The following CHMP3 variants were observed in gnomAD, a reference collection of about 807,000 sequenced individuals.
CHMP3 encodes charged multivesicular body protein 3.
In CHMP3, 8 loss-of-function variants were observed where a neutral mutation model predicts 27.4. The observed-to-expected ratio is 0.29, with a 90% CI of 0.17 to 0.53. The LOEUF is 0.53. Ranked by LOEUF, CHMP3 falls within the 20% of genes least tolerant of loss-of-function variation. The pLI is 0.96. For synonymous variants in CHMP3, 86 were observed against 85.5 expected, an observed-to-expected ratio of 1.01 and a Z score of -0.03; for missense variants, 208 against 271.5, an observed-to-expected ratio of 0.77 and a Z score of 1.64.
chr2:86,507,438 C>A (rs1437659946), intron 5 of CHMP3, 41 bp downstream of exon 5: 2 of 1,555,138 alleles, frequency 1.3e-6, no homozygotes, highest in Non-Finnish European at 1.8e-6. Context: ...GGAAGAATGG[C>A]CATAAAAAGA....
In CHMP3 at chr2:86,510,537, C is replaced by A. The variant is rs372321902; in HGVS notation, c.287-58G>T. 17 of 1,583,170 alleles carry A rather than the reference C, an allele frequency of 1.1e-5. No homozygotes were observed. In the African/African-American group the frequency reaches 1.1e-4, roughly 10 times the overall value. On this transcript the variant is annotated intron_variant, in intron 3 of 5. Coordinates refer to ENST00000263856, the MANE Select transcript of CHMP3 (RefSeq NM_016079.4). ...AACAGGATGGAATAGAGAGAGACAGCCAAATTATGAGCCATTCCAATAAAT... is the reference window on the plus strand; with the variant it reads ...AACAGGATGGAATAGAGAGAGACAGACAAATTATGAGCCATTCCAATAAAT...
intron 2 of CHMP3, among the ~76,000 whole-genome samples, chr2:86,534,855 A>G (rs1050755272): frequency 2.6e-5 from 4 of 152,212 alleles, no homozygotes; most frequent in African/African-American, 9.7e-5. Context: ...TTTTGGATCT[A>G]AAGTCTCACT....
At chr2:86,550,438 G>A (rs1676861215) in intron 1 of CHMP3, among the ~76,000 whole-genome samples, 1 of 151,824 alleles carries the variant, frequency 6.6e-6, no homozygotes, top group Non-Finnish European at 1.5e-5. Flanking sequence ...AAGGGAGAGG[G>A]AGAAAGGGAG....
chr2:86,554,816 C>CGTGT (rs70956121), intron 1 of CHMP3, among the ~76,000 whole-genome samples: 4,137 of 145,368 alleles, frequency 0.028, 114 homozygotes, highest in African/African-American at 0.061. Context: ...TGTGTGCGCG[C>CGTGT]GTGTGTGTGT....
chr2:86,509,170 A>C (rs76899034), intron 4 of CHMP3, among the ~76,000 whole-genome samples: 2 of 152,208 alleles, frequency 1.3e-5, no homozygotes, highest in Admixed American at 1.3e-4. Flanking sequence ...AACCATTATG[A>C]AAAAGATCCC....
chr2:86,524,500 A>G lies in CHMP3; in HGVS notation c.286+4718T>C, dbSNP rs184896948. 2.0e-5 allele frequency among the ~76,000 whole-genome samples: 3 copies of G among 152,348 alleles called. No individual in the cohort carries two copies. In the East Asian group the frequency reaches 5.8e-4, roughly 29 times the overall value. ...TTTTTGTCATTATTCCCTAAACAAT[A>G]TAGTATAACTATTATTTACATAGCA... is the stretch of plus-strand genomic sequence containing the variant. On this transcript the variant is annotated intron_variant, in intron 3 of 5. Coordinates refer to ENST00000263856, the MANE Select transcript of CHMP3 (RefSeq NM_016079.4).
At chr2:86,561,953 A>C (rs1479415132) in intron 1 of CHMP3, 1 of 152,212 alleles carries the variant, frequency 6.6e-6, no homozygotes, top group Non-Finnish European at 1.5e-5. Context: ...ATCTCTCCCT[A>C]CCACACTTCT....
intron 3 of CHMP3, among the ~76,000 whole-genome samples, chr2:86,523,448 C>A (rs557531329): frequency 6.6e-6 from 1 of 152,128 alleles, no homozygotes; most frequent in East Asian, 1.9e-4. Context: ...TTTCTTCAAT[C>A]ATCTGCAATT....
chr2:86,530,850 G>C (rs1675891757), intron 2 of CHMP3, among the ~76,000 whole-genome samples: 4 of 152,142 alleles, frequency 2.6e-5, no homozygotes, highest in Non-Finnish European at 4.4e-5. Flanking sequence ...TGGGGGTTTT[G>C]TTGTTGTTGT....
chr2:86,563,010 AAG>A (rs945007370), intron 1 of CHMP3: 15 of 329,774 alleles, frequency 4.5e-5, no homozygotes, highest in African/African-American at 3.0e-4. Flanking sequence ...GCGCAGGGGG[AAG>A]AGGTTTCCGA....
At chr2:86,546,407 T>G in intron 1 of CHMP3, among the ~76,000 whole-genome samples, 1 of 151,060 alleles carries the variant, frequency 6.6e-6, no homozygotes, top group Non-Finnish European at 1.5e-5. Context: ...AGAGCTTGAT[T>G]TACATTTTCT....
At chr2:86,532,078 A>G (rs1328585922) in intron 2 of CHMP3, among the ~76,000 whole-genome samples, 1 of 152,224 alleles carries the variant, frequency 6.6e-6, no homozygotes, top group African/African-American at 2.4e-5. Flanking sequence ...CTAATCTCCC[A>G]ATACATGAAA....
At chr2:86,553,775 T>G (rs977820429) in intron 1 of CHMP3, among the ~76,000 whole-genome samples, 1 of 152,224 alleles carries the variant, frequency 6.6e-6, no homozygotes, top group African/African-American at 2.4e-5. Context: ...AAGGTATTTT[T>G]GTTATACAGA....
intron 3 of CHMP3, among the ~76,000 whole-genome samples, chr2:86,519,469 T>C (rs1398324813): frequency 6.6e-6 from 1 of 152,078 alleles, no homozygotes; most frequent in Non-Finnish European, 1.5e-5. Flanking sequence ...GGATCCAGCT[T>C]GCTAACAGGA....
chr2:86,539,947 TATGA>T (rs1322090338), intron 2 of CHMP3, among the ~76,000 whole-genome samples: 1 of 152,082 alleles, frequency 6.6e-6, no homozygotes, highest in Admixed American at 6.6e-5. Flanking sequence ...CACCTTCACC[TATGA>T]ATGTTATTTT....
chr2:86,549,703 C>T (rs1676800615), intron 1 of CHMP3, among the ~76,000 whole-genome samples: 2 of 144,116 alleles, frequency 1.4e-5, no homozygotes, highest in Admixed American at 1.4e-4. Context: ...ACGCCCCTCA[C>T]CTCCCAGATG....
intron 2 of CHMP3, among the ~76,000 whole-genome samples, chr2:86,537,425 T>C (rs1172997046): frequency 2.0e-5 from 3 of 152,250 alleles, no homozygotes; most frequent in Non-Finnish European, 4.4e-5. Context: ...ACATCGATAC[T>C]TGCTTTAAGT....
chr2:86,530,054 G>C (rs1264798865), intron 2 of CHMP3, among the ~76,000 whole-genome samples: 2 of 151,674 alleles, frequency 1.3e-5, no homozygotes, highest in East Asian at 3.9e-4. Context: ...GAGTGCAATG[G>C]TGCAGTCTCA....
At chr2:86,507,702 A>G (rs528196168) in intron 4 of CHMP3, 109 bp from the exon 5 acceptor site, 45 of 871,130 alleles carry the variant, frequency 5.2e-5, no homozygotes, top group Non-Finnish European at 8.2e-5. Flanking sequence ...TATCCTTTCA[A>G]GAGCTGACAC....
Sources: allele counts gnomAD v4.1 joint callset (sites outside exome capture counted in the v4.1 genomes callset), GRCh38; gene constraint gnomAD v4.1.1; transcripts MANE v1.5; gene names NCBI Gene and HGNC (gene_info 2026-07-23, HGNC 2026-07-21).